CDC123: variants seen among roughly 807,000 people sequenced by gnomAD.
CDC123 encodes the protein translation initiation factor eIF2 assembly protein.
A neutral mutation model predicts 54.4 loss-of-function variants in CDC123; 37 were observed. The ratio of observed to expected loss-of-function variants is 0.68; its 90% confidence interval spans 0.52 to 0.89. CDC123 has a LOEUF of 0.89. Among genes scored for constraint, CDC123 ranks in the 40% least tolerant of loss-of-function variants. CDC123 has a pLI of 0.00. For missense variants in CDC123, 361 were observed against 412.1 expected (o/e 0.88, Z 1.07); for synonymous variants, 144 against 136.8 (o/e 1.05, Z -0.37).
intron 11 of CDC123, among the ~76,000 whole-genome samples, chr10:12,248,359 A>G (rs1477404254): frequency 1.3e-5 from 2 of 150,612 alleles, no homozygotes; most frequent in African/African-American, 4.9e-5. Context: ...AATACAAAAA[A>G]TTAGCTGGGC....
At chr10:12,205,029 T>C (rs1198483545) in intron 2 of CDC123, among the ~76,000 whole-genome samples, 1 of 151,804 alleles carries the variant, frequency 6.6e-6, no homozygotes, top group Non-Finnish European at 1.5e-5. Flanking sequence ...TTATTCATTC[T>C]TTCTACTTTT....
chr10:12,222,860 G>A (rs1443880073), intron 6 of CDC123, among the ~76,000 whole-genome samples: 1 of 151,712 alleles, frequency 6.6e-6, no homozygotes, highest in Non-Finnish European at 1.5e-5. Flanking sequence ...GTCCCAGACC[G>A]ACATGCTCAT....
At chr10:12,236,022 T>A (rs7090277) in intron 8 of CDC123, among the ~76,000 whole-genome samples, 65,877 of 152,140 alleles carry the variant, frequency 0.43, 15,723 homozygotes, top group Middle Eastern at 0.56. Flanking sequence ...TACTTTTCCA[T>A]GGCTTGAACG....
intron 6 of CDC123, 140 bp downstream of exon 6, chr10:12,217,607 G>T: frequency 1.3e-6 from 1 of 784,400 alleles, no homozygotes; most frequent in Non-Finnish European, 1.9e-6. Flanking sequence ...AAAATGACCT[G>T]TTAAAGCAAA....
At chr10:12,231,082 GT>G in intron 7 of CDC123, 86 bp downstream of exon 7, 2 of 1,272,644 alleles carry the variant, frequency 1.6e-6, no homozygotes, top group Non-Finnish European at 2.2e-6. Flanking sequence ...AATGAATGAA[GT>G]TTCTTGGATT....
chr10:12,250,412 G>C lies in CDC123; in HGVS notation c.*75G>C, dbSNP rs751687291. 1 of 1,155,318 alleles carries C rather than the reference G, an allele frequency of 8.7e-7. No homozygotes were observed. Among genetic ancestry groups the C allele is most frequent in the African/African-American group, 1.5e-5 (1 of 66,092 alleles). 71.6% of individuals were successfully genotyped at this position (1,155,318 alleles called of 1,614,324 possible). ...AGCTGCTCATCAGCCGCAACTTCCT[G>C]CCGACCCTGATGCGGGTGGGCCGAG... On this transcript the variant is annotated 3_prime_UTR_variant, in exon 13 of 13. Coordinates refer to ENST00000281141, the MANE Select transcript of CDC123 (RefSeq NM_006023.3).
chr10:12,217,322 A>T (rs1217338245), intron 5 of CDC123, 39 bp from the exon 6 acceptor site: 29 of 1,582,430 alleles, frequency 1.8e-5, no homozygotes, highest in Non-Finnish European at 2.5e-5. Flanking sequence ...AGCAGCCAAC[A>T]TGGAATATGG....
At chr10:12,238,559 A>G in intron 10 of CDC123, 74 bp downstream of exon 10, 4 of 1,546,540 alleles carry the variant, frequency 2.6e-6, no homozygotes, top group South Asian at 2.4e-5. Context: ...TGCCTTTGTT[A>G]TGTGTGTGAA....
At chr10:12,204,706 C>A (rs1269747857) in intron 2 of CDC123, among the ~76,000 whole-genome samples, 1 of 152,042 alleles carries the variant, frequency 6.6e-6, no homozygotes, top group Non-Finnish European at 1.5e-5. Context: ...AGTAGTAGGT[C>A]TGTGGTCGGG....
rs375460123 is a variant in CDC123 at position 12,197,290 on chromosome 10, T to G, written c.74+971T>G. Among the ~76,000 whole-genome samples, 7 of 152,330 alleles carry G rather than the reference T, an allele frequency of 4.6e-5. 1 individual carries two copies. The highest frequency in any genetic ancestry group is 1.4e-4 in the African/African-American group (6 of 41,574). On this transcript the variant is annotated intron_variant, in intron 1 of 12. Coordinates refer to ENST00000281141, the MANE Select transcript of CDC123 (RefSeq NM_006023.3). ...TTAAAATTTTAAAGAGACTTTTAAG[T>G]TGCAAAGTTTCGCTTGAAATTGTTT...
intron 8 of CDC123, among the ~76,000 whole-genome samples, chr10:12,235,858 G>T (rs1207447517): frequency 1.3e-5 from 2 of 152,180 alleles, no homozygotes; most frequent in African/African-American, 4.8e-5. Flanking sequence ...CTAAAGCGGG[G>T]GGTCCTGTTG....
At chr10:12,246,051 C>T in intron 10 of CDC123, 98 bp from the exon 11 acceptor site, 1 of 1,328,636 alleles carries the variant, frequency 7.5e-7, no homozygotes. Flanking sequence ...GCCTGGGCAA[C>T]AGCATGAGAC....
At chr10:12,200,120 ATTTTTTTTT>A (rs543337462) in intron 2 of CDC123, among the ~76,000 whole-genome samples, 11 of 59,354 alleles carry the variant, frequency 1.9e-4, no homozygotes, top group Admixed American at 5.7e-4. Flanking sequence ...CGCACTCGGC[ATTTTTTTTT>A]TTTTTTTTTT....
intron 2 of CDC123, among the ~76,000 whole-genome samples, chr10:12,204,686 T>C (rs1835490491): frequency 6.6e-6 from 1 of 152,128 alleles, no homozygotes; most frequent in Non-Finnish European, 1.5e-5. Context: ...GTCACTCTAT[T>C]GTTCTGTCAA....
At chr10:12,214,111 A>G (rs10508439) in intron 4 of CDC123, among the ~76,000 whole-genome samples, 2,196 of 152,306 alleles carry the variant, frequency 0.014, 25 homozygotes, top group Non-Finnish European at 0.024. Context: ...CCTAAAGTTG[A>G]ATAATTTTGA....
At chr10:12,221,595 C>G (rs1835737391) in intron 6 of CDC123, among the ~76,000 whole-genome samples, 1 of 152,138 alleles carries the variant, frequency 6.6e-6, no homozygotes, top group Admixed American at 6.5e-5. Flanking sequence ...CAAGCTTGTC[C>G]AAGCTGCAGC....
chr10:12,196,436 T>G (rs1346284002), intron 1 of CDC123, 117 bp downstream of exon 1: 1 of 1,334,296 alleles, frequency 7.5e-7, no homozygotes, highest in African/African-American at 1.4e-5. Context: ...GGAGGGAGTG[T>G]GTCGAGAGGG....
At chr10:12,208,402 A>G (rs757534286) in intron 2 of CDC123, among the ~76,000 whole-genome samples, 1 of 152,214 alleles carries the variant, frequency 6.6e-6, no homozygotes, top group Middle Eastern at 3.4e-3. Context: ...AGCAGTGACT[A>G]TTTGGGGCCA....
At position 12,226,038 on chromosome 10, in the gene CDC123, C is replaced by T. The variant is rs781368398; in HGVS notation, c.441-4910C>T. ...ACCGCCCTTAATCCATTTAACCCTTCGTGGACACAGCACATGTTTCAGAGA... is the reference window on the plus strand; with the variant it reads ...ACCGCCCTTAATCCATTTAACCCTTTGTGGACACAGCACATGTTTCAGAGA... On this transcript the variant is annotated intron_variant, in intron 6 of 12. Transcript: ENST00000281141. Among the ~76,000 whole-genome samples the T allele has an allele frequency of 6.0e-4, 91 of 152,052 alleles. 1 individual carries two copies. Among genetic ancestry groups the T allele is most frequent in the South Asian group, 2.3e-3 (11 of 4,812 alleles).
Sources: allele counts gnomAD v4.1 joint callset (sites outside exome capture counted in the v4.1 genomes callset), GRCh38; gene constraint gnomAD v4.1.1; transcripts MANE v1.5; gene names NCBI Gene and HGNC (gene_info 2026-07-23, HGNC 2026-07-21).